CFAP251: variants seen among roughly 807,000 people sequenced by gnomAD.
The protein encoded by CFAP251 is cilia and flagella associated protein 251.
A neutral mutation model predicts 126.7 loss-of-function variants in CFAP251; 93 were observed. The ratio of observed to expected loss-of-function variants is 0.73; its 90% CI spans 0.62 to 0.87. The LOEUF (loss-of-function observed/expected upper bound fraction) is 0.87. Among genes scored for constraint, CFAP251 ranks in the 40% least tolerant of loss-of-function variants. The pLI, the probability that CFAP251 is intolerant of heterozygous loss-of-function variation, is 0.00. For missense variants in CFAP251, 1,287 were observed against 1,389.2 expected, an observed-to-expected ratio of 0.93 and a Z score of 1.17; for synonymous variants, 503 against 506.9, an observed-to-expected ratio of 0.99 and a Z score of 0.10.
chr12:122,001,103 C>CTGATCTGCAACAGATCG (rs1883137659), intron 20 of CFAP251, among the ~76,000 whole-genome samples: 1 of 143,520 alleles, frequency 7.0e-6, no homozygotes, highest in Non-Finnish European at 1.5e-5. Flanking sequence ...GTTGCCCAGG[C>CTGATCTGCAACAGATCG]TGAACTGCAG....
intron 15 of CFAP251, among the ~76,000 whole-genome samples, chr12:121,965,644 A>G (rs768326531): frequency 6.6e-6 from 1 of 152,198 alleles, no homozygotes; most frequent in Non-Finnish European, 1.5e-5. Flanking sequence ...TATCTCAAAG[A>G]TGTAAAATGA....
At chr12:121,984,008 G>C (rs1253617525) in intron 19 of CFAP251, among the ~76,000 whole-genome samples, 1 of 152,154 alleles carries the variant, frequency 6.6e-6, no homozygotes, top group Non-Finnish European at 1.5e-5. Context: ...AAGTTGCATG[G>C]AGTATACGCC....
Position 121,934,927 on chromosome 12 carries a change from C to G in CFAP251, c.998+571C>G, listed in dbSNP as rs1396845313. On this transcript the variant is annotated intron_variant, in intron 5 of 21. Transcript: ENST00000288912. ...GATCAAGAGATTCTCCTGCCTTGGC[C>G]TCCTGAGTAGCTGGGACCACAGGCG... Among the ~76,000 whole-genome samples the G allele has an allele frequency of 2.6e-5, 4 of 152,286 alleles. No homozygotes were observed. In the South Asian group the frequency reaches 6.2e-4, roughly 24 times the overall value.
At chr12:121,965,879 G>T (rs1882103785) in intron 15 of CFAP251, among the ~76,000 whole-genome samples, 2 of 147,336 alleles carry the variant, frequency 1.4e-5, no homozygotes, top group South Asian at 4.3e-4. Flanking sequence ...GAGTGCAGTG[G>T]CATGATCTCA....
chr12:121,991,825 G>C (rs560831460), intron 19 of CFAP251, among the ~76,000 whole-genome samples: 1 of 152,120 alleles, frequency 6.6e-6, no homozygotes, highest in East Asian at 1.9e-4. Context: ...GAACCCTGTT[G>C]CTACTAAAAA....
intron 5 of CFAP251, among the ~76,000 whole-genome samples, chr12:121,939,605 A>T (rs10840633): frequency 0.32 from 48,767 of 150,704 alleles, 10,073 homozygotes; most frequent in Non-Finnish European, 0.47. Flanking sequence ...GATTTTTTTT[A>T]AAAAATTTCA....
Position 121,977,161 on chromosome 12 carries a change from C to A in CFAP251, c.3006+1476C>A, listed in dbSNP as rs1403856329. Among the ~76,000 whole-genome samples the A allele has an allele frequency of 3.3e-5, 5 of 152,114 alleles. 1 individual carries two copies. The highest frequency in any genetic ancestry group is 7.3e-5 in the Non-Finnish European group (5 of 68,028). ...TATGGTAGAGCCTGTTGCTCCTAGG[C>A]TATAAACCTGAACAGCATGCGGCTG... On this transcript the variant is annotated intron_variant, in intron 19 of 21. Coordinates refer to ENST00000288912, the MANE Select transcript of CFAP251 (RefSeq NM_144668.6).
At chr12:122,002,780 A>C (rs1883177674) in intron 21 of CFAP251, among the ~76,000 whole-genome samples, 1 of 152,192 alleles carries the variant, frequency 6.6e-6, no homozygotes, top group South Asian at 2.1e-4. Context: ...TCACTGGTAC[A>C]GGAGCAACTC....
At chr12:121,945,719 G>A (rs1881299042) in intron 7 of CFAP251, among the ~76,000 whole-genome samples, 1 of 151,590 alleles carries the variant, frequency 6.6e-6, no homozygotes, top group Non-Finnish European at 1.5e-5. Flanking sequence ...AGGCTGGAGT[G>A]CAGTGGCGCA....
chr12:121,980,150 A>G (rs1882583709), intron 19 of CFAP251, among the ~76,000 whole-genome samples: 1 of 152,230 alleles, frequency 6.6e-6, no homozygotes, highest in African/African-American at 2.4e-5. Flanking sequence ...GCCATCAGGC[A>G]TGTGCCACTC....
At chr12:121,942,700 G>A (rs1028879607) in intron 6 of CFAP251, 55 bp downstream of exon 6, 28 of 1,413,142 alleles carry the variant, frequency 2.0e-5, no homozygotes, top group Admixed American at 3.8e-5. Context: ...CCTGTGCAGC[G>A]TGTCCCCATG....
In CFAP251 at chr12:121,954,314, G is replaced by A. The variant is rs751281051; in HGVS notation, c.1515G>A (p.Thr505=). The change falls in exon 10 of 22, where the codon ACG becomes ACA. Residue 505 remains threonine (T), a synonymous_variant. Transcript: ENST00000288912. ...TTCATTTGCAGAAAGAGGGTATCAC[G>A]GTACTTACCACAATTGATAGGTAAT... ...KLVHLQKEGI[T]VLTTIDSYIV... 2.5e-6 allele frequency: 4 copies of A among 1,612,702 alleles called. No individual in the cohort carries two copies. Among genetic ancestry groups the A allele is most frequent in the Non-Finnish European group, 2.5e-6 (3 of 1,179,388 alleles).
In CFAP251 at chr12:121,989,613, G is replaced by A. The variant is rs1274244757; in HGVS notation, c.3007-10103G>A. Among the ~76,000 whole-genome samples, 1 of 152,194 alleles carries A rather than the reference G, an allele frequency of 6.6e-6. No homozygotes were observed. Among genetic ancestry groups the A allele is most frequent in the Non-Finnish European group, 1.5e-5 (1 of 68,024 alleles). ...CCCGGGTCAGCGAGGAGATGCAGGGGGTGACCAGGGGAGGGTATGAGTGAA... is the reference window on the plus strand; with the variant it reads ...CCCGGGTCAGCGAGGAGATGCAGGGAGTGACCAGGGGAGGGTATGAGTGAA... On this transcript the variant is annotated intron_variant, in intron 19 of 21. Coordinates refer to ENST00000288912, the MANE Select transcript of CFAP251 (RefSeq NM_144668.6). This position sits in a 1 kb window ranked among gnomAD's most constrained non-coding sequence, Gnocchi z 4.2.
chr12:121,961,047 A>C (rs830127), intron 14 of CFAP251, among the ~76,000 whole-genome samples: 8,159 of 152,182 alleles, frequency 0.054, 462 homozygotes, highest in East Asian at 0.21. Context: ...CTTGCCTCCC[A>C]GTGTGCACGG....
At chr12:121,932,083 C>G (rs1437745075) in intron 4 of CFAP251, 197 bp downstream of exon 4, 11 of 422,720 alleles carry the variant, frequency 2.6e-5, no homozygotes, top group Admixed American at 4.6e-5. Flanking sequence ...AATCAACTTA[C>G]AAAACAGCAG....
At chr12:121,965,030 A>T (rs1309008683) in intron 15 of CFAP251, among the ~76,000 whole-genome samples, 1 of 152,246 alleles carries the variant, frequency 6.6e-6, no homozygotes, top group Non-Finnish European at 1.5e-5. Flanking sequence ...GCCCTTGCAT[A>T]AAGCATCTTG....
In CFAP251 at chr12:121,990,830, G is replaced by A. The variant is rs534763031; in HGVS notation, c.3007-8886G>A. Among the ~76,000 whole-genome samples, 180 of 152,354 alleles carry A rather than the reference G, an allele frequency of 1.2e-3. 2 individuals are homozygous for A. Among genetic ancestry groups the A allele is most frequent in the African/African-American group, 4.0e-3 (166 of 41,588 alleles). ...CAGTTTTTAAAGCCCCAGGCAGCCAGGGCTGAGGACCTTGGCGATGGAGCC... is the reference window on the plus strand; with the variant it reads ...CAGTTTTTAAAGCCCCAGGCAGCCAAGGCTGAGGACCTTGGCGATGGAGCC... On this transcript the variant is annotated intron_variant, in intron 19 of 21. Transcript: ENST00000288912.
In CFAP251 at chr12:121,975,335, G is replaced by T. The variant is rs1353824130; in HGVS notation, c.2862+1G>T. ...TGGCCGGGAAGGAAAATTCTACAGGGTAATTGTCCCTAGAGTAAACACCTC... is the reference window on the plus strand; with the variant it reads ...TGGCCGGGAAGGAAAATTCTACAGGTTAATTGTCCCTAGAGTAAACACCTC... On this transcript the variant is annotated splice_donor_variant, in intron 18 of 21. Coordinates refer to ENST00000288912, the MANE Select transcript of CFAP251 (RefSeq NM_144668.6). LOFTEE classifies it high-confidence loss of function. The T allele has an allele frequency of 1.9e-6, 3 of 1,613,682 alleles. No individual in the cohort carries two copies. Among genetic ancestry groups the T allele is most frequent in the Non-Finnish European group, 2.5e-6 (3 of 1,179,622 alleles).
chr12:121,977,683 T>C lies in CFAP251; in HGVS notation c.3006+1998T>C, dbSNP rs577484091. Among the ~76,000 whole-genome samples, 156 of 138,916 alleles carry C rather than the reference T, an allele frequency of 1.1e-3. 1 individual carries two copies. In the South Asian group the frequency reaches 0.015, roughly 13 times the overall value. 91.1% of individuals were successfully genotyped at this position (138,916 alleles called of 152,430 possible). ...CAAAAAATAAAAAACTGGCCGGGTG[T>C]GGTGGCTCAGACCTGTAATCCCAGC... On this transcript the variant is annotated intron_variant, in intron 19 of 21. Coordinates refer to ENST00000288912, the MANE Select transcript of CFAP251 (RefSeq NM_144668.6).
Sources: gnomAD v4.1 joint callset for allele counts (sites outside exome capture counted in the v4.1 genomes callset) on GRCh38, gnomAD v4.1.1 for gene constraint, Gnocchi (gnomAD v3.1) non-coding constraint, MANE v1.5 for transcripts, NCBI Gene and HGNC (gene_info 2026-07-23, HGNC 2026-07-21) for gene names.